Variants in PIK3C3 observed in about 807,000 individuals in gnomAD.
PIK3C3 encodes the protein PI3-kinase type 3.
Under a neutral mutation model 126.1 loss-of-function variants are expected in PIK3C3, and 95 were observed. That is an observed-to-expected ratio of 0.75 (90% CI 0.64 to 0.89). The LOEUF (loss-of-function observed/expected upper bound fraction) is 0.89, where lower values mean the gene tolerates loss of function less well. PIK3C3 is among the 40% of genes least tolerant of loss of function. The pLI, the probability that PIK3C3 is intolerant of heterozygous loss-of-function variation, is 0.00. For missense variants in PIK3C3, 829 were observed against 1,063.2 expected, an observed-to-expected ratio of 0.78 and a Z score of 3.06; for synonymous variants, 374 against 360.0, an observed-to-expected ratio of 1.04 and a Z score of -0.44.
At chr18:42,069,276 T>G (rs1345833562) in intron 24 of PIK3C3, among the ~76,000 whole-genome samples, 2 of 152,192 alleles carry the variant, frequency 1.3e-5, no homozygotes, top group Non-Finnish European at 2.9e-5. Flanking sequence ...AGTATGTGAC[T>G]CATCAAAGTC....
intron 6 of PIK3C3, among the ~76,000 whole-genome samples, chr18:41,991,448 A>G (rs917682431): frequency 1.3e-5 from 2 of 152,192 alleles, no homozygotes; most frequent in Admixed American, 1.3e-4. Context: ...CAAATGTTAA[A>G]TCAGCATAAA....
chr18:41,990,980 T>C (rs954200718), intron 6 of PIK3C3, among the ~76,000 whole-genome samples: 1 of 152,188 alleles, frequency 6.6e-6, no homozygotes, highest in African/African-American at 2.4e-5. Flanking sequence ...TGGCCCTCAC[T>C]GAAGTATACT....
intron 20 of PIK3C3, 79 bp from the exon 21 acceptor site, chr18:42,049,452 C>A: frequency 9.9e-7 from 1 of 1,008,208 alleles, no homozygotes. Context: ...TAAAGTTGCA[C>A]AAACTGCTTT....
At chr18:42,072,772 G>T (rs554995619) in intron 24 of PIK3C3, among the ~76,000 whole-genome samples, 1 of 152,252 alleles carries the variant, frequency 6.6e-6, no homozygotes, top group South Asian at 2.1e-4. Context: ...CTGGCCTCAA[G>T]CAATCCTCCT....
At chr18:42,014,483 A>T (rs1982983454) in intron 11 of PIK3C3, among the ~76,000 whole-genome samples, 3 of 152,188 alleles carry the variant, frequency 2.0e-5, no homozygotes, top group Admixed American at 6.5e-5. Context: ...CCTGTCCCTA[A>T]TTTAGAGATG....
intron 12 of PIK3C3, among the ~76,000 whole-genome samples, chr18:42,016,993 T>C (rs927608928): frequency 1.3e-5 from 2 of 152,160 alleles, no homozygotes; most frequent in African/African-American, 4.8e-5. Context: ...TTTCTGATAT[T>C]TCTCTTGTGA....
rs556521766 is a variant in PIK3C3, at chr18:42,021,253, G to A, written c.1484+548G>A. Among the ~76,000 whole-genome samples, 38 of 152,250 alleles carry A rather than the reference G, an allele frequency of 2.5e-4. No homozygotes were observed. In the South Asian group the frequency reaches 7.5e-3, roughly 30 times the overall value. On this transcript the variant is annotated intron_variant, in intron 13 of 24. Transcript: ENST00000262039. The stretch of plus-strand genomic sequence containing the variant: ...TGTTTCTATGACGTTAAATGGGCAA[G>A]CATAAATATCTCTATTTCACATTAA...
chr18:42,051,744 T>C (rs1568001444), intron 21 of PIK3C3, among the ~76,000 whole-genome samples: 1 of 152,032 alleles, frequency 6.6e-6, no homozygotes, highest in Non-Finnish European at 1.5e-5. Context: ...TCATGTGTTA[T>C]TTTCATTAGC....
chr18:42,011,765 G>A (rs1023309558), intron 10 of PIK3C3, among the ~76,000 whole-genome samples: 1 of 152,082 alleles, frequency 6.6e-6, no homozygotes, highest in Non-Finnish European at 1.5e-5. Flanking sequence ...ATCATTTCTA[G>A]CTTTTGATTT....
intron 24 of PIK3C3, among the ~76,000 whole-genome samples, chr18:42,080,859 T>C (rs1350275933): frequency 6.6e-6 from 1 of 152,150 alleles, no homozygotes; most frequent in Non-Finnish European, 1.5e-5. Flanking sequence ...TTTTTGCTTG[T>C]CTCGTGTTAA....
chr18:42,043,677 C>A, intron 19 of PIK3C3, 56 bp from the exon 20 acceptor site: 2 of 1,139,016 alleles, frequency 1.8e-6, no homozygotes, highest in Admixed American at 1.7e-5. Flanking sequence ...AGTTTCAAAA[C>A]ACCTAGTTTG....
chr18:41,963,105 A>G (rs1040645859), intron 3 of PIK3C3, among the ~76,000 whole-genome samples: 3 of 152,182 alleles, frequency 2.0e-5, no homozygotes, highest in Admixed American at 1.3e-4. Flanking sequence ...AAAAAATCCC[A>G]TAGTCCCAAA....
At chr18:41,956,890 A>G (rs906836827) in intron 1 of PIK3C3, among the ~76,000 whole-genome samples, 1 of 152,214 alleles carries the variant, frequency 6.6e-6, no homozygotes, top group Non-Finnish European at 1.5e-5. Context: ...AAGAAAGAAA[A>G]TATAAAATGC....
chr18:42,068,892 G>A (rs1239797853), intron 24 of PIK3C3, among the ~76,000 whole-genome samples: 1 of 150,300 alleles, frequency 6.7e-6, no homozygotes, highest in Non-Finnish European at 1.5e-5. Context: ...GGAGGTTGCG[G>A]TGAGCTGAGA....
chr18:42,062,718 C>T (rs773622067), intron 22 of PIK3C3, among the ~76,000 whole-genome samples: 1 of 152,054 alleles, frequency 6.6e-6, no homozygotes, highest in Admixed American at 6.6e-5. Context: ...CATATCTCCT[C>T]TGAGATATAT....
intron 21 of PIK3C3, among the ~76,000 whole-genome samples, chr18:42,053,382 G>A (rs969158951): frequency 6.6e-6 from 1 of 152,116 alleles, no homozygotes; most frequent in African/African-American, 2.4e-5. Flanking sequence ...AGCAGAGGGC[G>A]CTGTGTATCC....
At chr18:42,018,194 C>A (rs1172686763) in intron 12 of PIK3C3, among the ~76,000 whole-genome samples, 2 of 151,904 alleles carry the variant, frequency 1.3e-5, no homozygotes, top group Non-Finnish European at 2.9e-5. Flanking sequence ...AATATGTGAT[C>A]TTTTTTTATA....
Position 42,076,133 on chromosome 18 carries a change from T to TGC in PIK3C3, c.2650-4990_2650-4989insGC, listed in dbSNP as rs1555643382. Among the ~76,000 whole-genome samples, 11 of 91,802 alleles carry TGC rather than the reference T, an allele frequency of 1.2e-4. 1 individual carries two copies. The highest frequency in any genetic ancestry group is 6.4e-4 in the African/African-American group (10 of 15,708). 60.2% of individuals were successfully genotyped at this position (91,802 alleles called of 152,430 possible). A position where few individuals can be genotyped will look rare whatever the true frequency, so the allele number is the denominator to read the frequency against. On this transcript the variant is annotated intron_variant, in intron 24 of 24. Transcript: ENST00000262039. ...ATATATATATATATGCGCATATATA[T>TGC]ATATATATATGCGCATATATATATA...
chr18:42,077,060 A>G (rs1263304850), intron 24 of PIK3C3, among the ~76,000 whole-genome samples: 2 of 152,250 alleles, frequency 1.3e-5, no homozygotes, highest in Non-Finnish European at 2.9e-5. Flanking sequence ...CCACTGCAAT[A>G]AATGACTTTT....
Sources: gnomAD v4.1 joint callset for allele counts (sites outside exome capture counted in the v4.1 genomes callset) on GRCh38, gnomAD v4.1.1 for gene constraint, MANE v1.5 for transcripts, NCBI Gene and HGNC (gene_info 2026-07-23, HGNC 2026-07-21) for gene names.